CTNNA2: variants seen among roughly 807,000 people sequenced by gnomAD.
The protein encoded by CTNNA2 is catenin alpha 2, also known as catenin alpha-2.
CTNNA2 carries 42 observed loss-of-function variants against 101.0 expected under a neutral mutation model. That is an observed-to-expected ratio of 0.42 (90% CI 0.32 to 0.54). CTNNA2 has a LOEUF of 0.54. CTNNA2 is among the 20% of genes least tolerant of loss of function. The pLI is 0.14. For synonymous variants in CTNNA2, 450 were observed against 456.4 expected, an observed-to-expected ratio of 0.99 and a Z score of 0.18; for missense variants, 871 against 1,223.1, an observed-to-expected ratio of 0.71 and a Z score of 4.29.
rs149377232 is a variant in CTNNA2 at position 79,989,798 on chromosome 2, C to G, written c.1056+80001C>G. 2.8e-4 allele frequency among the ~76,000 whole-genome samples: 42 copies of G among 152,274 alleles called. 1 individual carries two copies. Among genetic ancestry groups the G allele is most frequent in the African/African-American group, 9.9e-4 (41 of 41,552 alleles). ...AACTGGATCAGATCAAATCTCTCTC[C>G]TGAGATCCAAAGGGGTCTACAGGGT... is the stretch of plus-strand genomic sequence containing the variant. On this transcript the variant is annotated intron_variant, in intron 7 of 18. Transcript: ENST00000402739.
At chr2:80,132,253 C>T (rs1006246371) in intron 7 of CTNNA2, among the ~76,000 whole-genome samples, 1 of 152,092 alleles carries the variant, frequency 6.6e-6, no homozygotes, top group Non-Finnish European at 1.5e-5. Context: ...TGCTGCCAGC[C>T]TTACATGAGA....
intron 7 of CTNNA2, among the ~76,000 whole-genome samples, chr2:80,292,955 G>T (rs200980483): frequency 6.6e-6 from 1 of 152,120 alleles, no homozygotes; most frequent in African/African-American, 2.4e-5. Flanking sequence ...AAAAAGATCA[G>T]TATGAAACAC....
intron 4 of CTNNA2, among the ~76,000 whole-genome samples, chr2:79,474,624 T>C (rs1260405569): frequency 1.3e-5 from 2 of 152,120 alleles, no homozygotes; most frequent in African/African-American, 4.8e-5. Flanking sequence ...TAAAATAGAG[T>C]AATCATTATA....
At chr2:79,648,861 T>C (rs1681017128) in intron 1 of CTNNA2, among the ~76,000 whole-genome samples, 1 of 152,194 alleles carries the variant, frequency 6.6e-6, no homozygotes, top group Non-Finnish European at 1.5e-5. Flanking sequence ...GAAAACAGCA[T>C]TTCACATTTC....
chr2:79,435,206 T>C (rs988599845), intron 4 of CTNNA2, among the ~76,000 whole-genome samples: 7 of 152,080 alleles, frequency 4.6e-5, no homozygotes, highest in African/African-American at 1.7e-4. Context: ...AGCTACAAGG[T>C]TAAAATACCT....
At chr2:80,499,213 T>A (rs1194653342) in intron 9 of CTNNA2, among the ~76,000 whole-genome samples, 1 of 152,186 alleles carries the variant, frequency 6.6e-6, no homozygotes, top group Non-Finnish European at 1.5e-5. Flanking sequence ...TTTCTCAAAC[T>A]GTTATATAAA....
chr2:80,580,344 A>G (rs910997722), intron 13 of CTNNA2, among the ~76,000 whole-genome samples: 3 of 152,142 alleles, frequency 2.0e-5, no homozygotes, highest in African/African-American at 4.8e-5. Flanking sequence ...CACTGACTTT[A>G]TAGATTGGAA....
intron 7 of CTNNA2, among the ~76,000 whole-genome samples, chr2:80,359,487 G>C (rs1046260148): frequency 2.0e-5 from 3 of 152,080 alleles, no homozygotes; most frequent in Non-Finnish European, 2.9e-5. Flanking sequence ...TTCATGAATG[G>C]GTTTAGCACC....
At chr2:79,627,499 C>T (rs746689078) in intron 1 of CTNNA2, among the ~76,000 whole-genome samples, 3 of 152,166 alleles carry the variant, frequency 2.0e-5, no homozygotes, top group East Asian at 1.9e-4. Flanking sequence ...TCCGGTAGAA[C>T]GCATAAAGTG....
chr2:79,462,239 ATAT>A (rs1347060506), intron 4 of CTNNA2, among the ~76,000 whole-genome samples: 1 of 152,230 alleles, frequency 6.6e-6, no homozygotes, highest in Non-Finnish European at 1.5e-5. Context: ...CAACAGAAAA[ATAT>A]TATCAGATAT....
chr2:79,678,714 A>G (rs1683360386), intron 2 of CTNNA2, among the ~76,000 whole-genome samples: 1 of 151,766 alleles, frequency 6.6e-6, no homozygotes, highest in Admixed American at 6.6e-5. Context: ...ATTGACCTCT[A>G]CCTCCTGGGT....
intron 2 of CTNNA2, among the ~76,000 whole-genome samples, chr2:79,739,824 G>A (rs1302449716): frequency 2.0e-5 from 3 of 152,110 alleles, no homozygotes; most frequent in Admixed American, 2.0e-4. Context: ...ACTTCTCTAA[G>A]GCATCCAGTT....
At chr2:80,306,392 T>A (rs532797351) in intron 7 of CTNNA2, among the ~76,000 whole-genome samples, 4 of 131,330 alleles carry the variant, frequency 3.0e-5, no homozygotes, top group Admixed American at 3.0e-4. Context: ...TTCTTTTCTT[T>A]TCTTTTCTTT....
At position 79,208,544 on chromosome 2, in the gene CTNNA2, A is replaced by T. The variant is rs143036154; in HGVS notation, c.-406+10468A>T. On this transcript the variant is annotated intron_variant, in intron 2 of 21. Transcript: ENST00000466387. ...TACTTGGAATTGGGCTAGGATTTGA[A>T]TACTAGGCTCTGTGGCTAACTGGCT... Among the ~76,000 whole-genome samples, 146 of 152,336 alleles carry T rather than the reference A, an allele frequency of 9.6e-4. 1 individual carries two copies. The highest frequency in any genetic ancestry group is 3.4e-3 in the Middle Eastern group (1 of 294).
chr2:80,440,602 C>A (rs1170810007), intron 9 of CTNNA2, among the ~76,000 whole-genome samples: 1 of 151,750 alleles, frequency 6.6e-6, no homozygotes, highest in African/African-American at 2.4e-5. Context: ...TAGATCATTG[C>A]AGATCCAGCT....
At chr2:80,106,072 A>G (rs544599195) in intron 7 of CTNNA2, among the ~76,000 whole-genome samples, 5 of 152,278 alleles carry the variant, frequency 3.3e-5, no homozygotes, top group African/African-American at 9.6e-5. Flanking sequence ...TCCCAAAGCA[A>G]TGCCTCCCCT....
chr2:80,475,417 T>C (rs1685649911), intron 9 of CTNNA2, among the ~76,000 whole-genome samples: 1 of 152,236 alleles, frequency 6.6e-6, no homozygotes, highest in South Asian at 2.1e-4. Flanking sequence ...CTCATAAAGA[T>C]ATTTTTAATT....
At chr2:79,300,934 C>A (rs1676093903) in intron 2 of CTNNA2, among the ~76,000 whole-genome samples, 1 of 152,140 alleles carries the variant, frequency 6.6e-6, no homozygotes, top group South Asian at 2.1e-4. Flanking sequence ...TTTGGTTCCT[C>A]TCTGTCTCAC....
At chr2:80,159,676 G>A (rs1363826252) in intron 7 of CTNNA2, among the ~76,000 whole-genome samples, 2 of 152,022 alleles carry the variant, frequency 1.3e-5, no homozygotes, top group Non-Finnish European at 2.9e-5. Flanking sequence ...ATTTCACCAT[G>A]TTGGTCAGGC....
Sources: gnomAD v4.1 joint callset for allele counts (sites outside exome capture counted in the v4.1 genomes callset) on GRCh38, gnomAD v4.1.1 for gene constraint, MANE v1.5 for transcripts, NCBI Gene and HGNC (gene_info 2026-07-23, HGNC 2026-07-21) for gene names.